Variants in EBF1 observed in about 807,000 individuals in gnomAD.
The protein encoded by EBF1 is EBF transcription factor 1, also known as transcription factor COE1.
In EBF1, 10 loss-of-function variants were observed where a neutral mutation model predicts 68.4. The ratio of observed to expected loss-of-function variants is 0.15; its 90% CI spans 0.09 to 0.25. EBF1 has a LOEUF of 0.25. Ranked by LOEUF, EBF1 falls within the 10% of genes least tolerant of loss-of-function variation. The probability of loss-of-function intolerance (pLI) is 1.00; values close to 1 mark genes in which losing one functional copy is unlikely to be tolerated. For synonymous variants in EBF1, 298 were observed against 299.8 expected (o/e 0.99, Z 0.06); for missense variants, 509 against 794.4 (o/e 0.64, Z 4.32).
intron 11 of EBF1, among the ~76,000 whole-genome samples, chr5:158,724,855 C>T (rs1007862255): frequency 6.6e-6 from 1 of 152,188 alleles, no homozygotes; most frequent in Non-Finnish European, 1.5e-5. Context: ...ATGGTGTGTT[C>T]AAATTGTTCT....
chr5:158,985,734 T>A (rs1462602232), intron 6 of EBF1: 2 of 152,254 alleles, frequency 1.3e-5, no homozygotes, highest in Non-Finnish European at 2.9e-5. Context: ...AATGTGCTAT[T>A]TGCCTACTTC....
chr5:158,969,787 A>C (rs1359631382), intron 6 of EBF1, among the ~76,000 whole-genome samples: 1 of 149,962 alleles, frequency 6.7e-6, no homozygotes, highest in Non-Finnish European at 1.5e-5. Flanking sequence ...AAGAAAGAGA[A>C]AAAGAAGAAA....
At chr5:158,812,180 A>T (rs1284884635) in intron 8 of EBF1, among the ~76,000 whole-genome samples, 2 of 152,184 alleles carry the variant, frequency 1.3e-5, no homozygotes, top group East Asian at 3.9e-4. Flanking sequence ...GTCAATAAAC[A>T]TGTGTTAGTG....
intron 7 of EBF1, among the ~76,000 whole-genome samples, chr5:158,825,861 A>C (rs1379302801): frequency 6.6e-6 from 1 of 152,190 alleles, no homozygotes; most frequent in East Asian, 1.9e-4. Flanking sequence ...TCAATTTGGA[A>C]ATATTCAGGA....
chr5:158,985,398 G>T (rs147405800), intron 6 of EBF1, among the ~76,000 whole-genome samples: 3,134 of 152,280 alleles, frequency 0.021, 49 homozygotes, highest in Non-Finnish European at 0.028. Flanking sequence ...GAAAATGCCA[G>T]TGTTGGTCTC....
rs1487701812 is a variant in EBF1 at position 158,755,941 on chromosome 5, A to G, written c.1036+21472T>C. Among the ~76,000 whole-genome samples, 3 of 152,206 alleles carry G rather than the reference A, an allele frequency of 2.0e-5. No homozygotes were observed. In the South Asian group the frequency reaches 6.2e-4, roughly 32 times the overall value. On this transcript the variant is annotated intron_variant, in intron 10 of 15. Transcript: ENST00000313708. The stretch of plus-strand genomic sequence containing the variant: ...ACATCTGGAAGTTTTCCTATTGAAA[A>G]AAAGAAAGTGTGAAATCAGATACTT...
chr5:158,972,594 C>T (rs540470063), intron 6 of EBF1, among the ~76,000 whole-genome samples: 7 of 152,212 alleles, frequency 4.6e-5, no homozygotes, highest in Admixed American at 1.3e-4. Flanking sequence ...AAACGCTTCC[C>T]TTTAGTTTAA....
chr5:158,887,899 A>G (rs980922856), intron 6 of EBF1, among the ~76,000 whole-genome samples: 3 of 152,220 alleles, frequency 2.0e-5, no homozygotes, highest in Non-Finnish European at 2.9e-5. Context: ...GTTTGCCAAC[A>G]CATTTCCAGG....
At chr5:158,740,846 G>T (rs1766194822) in intron 10 of EBF1, among the ~76,000 whole-genome samples, 1 of 152,098 alleles carries the variant, frequency 6.6e-6, no homozygotes, top group African/African-American at 2.4e-5. Context: ...CACACATTTT[G>T]CTTATACATT....
chr5:158,846,154 C>G (rs959885156), intron 6 of EBF1, among the ~76,000 whole-genome samples: 1 of 152,172 alleles, frequency 6.6e-6, no homozygotes, highest in Admixed American at 6.5e-5. Context: ...ATTCAGGACA[C>G]GGAGACTTGC....
At chr5:158,875,978 TACA>T (rs1271997744) in intron 6 of EBF1, among the ~76,000 whole-genome samples, 1 of 152,194 alleles carries the variant, frequency 6.6e-6, no homozygotes, top group African/African-American at 2.4e-5. Flanking sequence ...TTCACTTCAT[TACA>T]ACAACAAGAA....
intron 8 of EBF1, among the ~76,000 whole-genome samples, chr5:158,814,263 A>T (rs1783261378): frequency 6.6e-6 from 1 of 152,190 alleles, no homozygotes; most frequent in Admixed American, 6.5e-5. Context: ...GGATAGCTTG[A>T]GTGCAGGAGT....
chr5:159,076,791 T>A (rs1778854128), intron 5 of EBF1, among the ~76,000 whole-genome samples: 1 of 152,198 alleles, frequency 6.6e-6, no homozygotes, highest in African/African-American at 2.4e-5. Context: ...TACAGTATGA[T>A]TCTGTTAAAT....
intron 6 of EBF1, among the ~76,000 whole-genome samples, chr5:158,874,375 G>A (rs768946175): frequency 2.6e-5 from 4 of 152,200 alleles, no homozygotes; most frequent in Non-Finnish European, 4.4e-5. Flanking sequence ...GAAAGATCAA[G>A]TTGGCAGAAA....
At chr5:159,038,473 T>C (rs1176224753) in intron 6 of EBF1, among the ~76,000 whole-genome samples, 2 of 152,122 alleles carry the variant, frequency 1.3e-5, no homozygotes, top group African/African-American at 4.8e-5. Flanking sequence ...TTAAAAAAAA[T>C]CAAATGCAGG....
At chr5:158,709,515 C>T (rs571365916) in intron 14 of EBF1, among the ~76,000 whole-genome samples, 5 of 152,172 alleles carry the variant, frequency 3.3e-5, no homozygotes, top group Non-Finnish European at 7.3e-5. Flanking sequence ...TCCCATGAGC[C>T]CACCAGAGTC....
At chr5:158,719,664 C>G (rs1761513997) in intron 11 of EBF1, among the ~76,000 whole-genome samples, 1 of 152,124 alleles carries the variant, frequency 6.6e-6, no homozygotes, top group Non-Finnish European at 1.5e-5. Context: ...GGCAACTCAA[C>G]CCCAGATGAG....
At chr5:158,709,141 T>A (rs1228421354) in intron 14 of EBF1, among the ~76,000 whole-genome samples, 7 of 152,252 alleles carry the variant, frequency 4.6e-5, no homozygotes, top group Non-Finnish European at 1.0e-4. Flanking sequence ...AATATTTTCA[T>A]ACACTCGCTT....
At chr5:158,937,117 T>C (rs1426248909) in intron 6 of EBF1, among the ~76,000 whole-genome samples, 2 of 151,850 alleles carry the variant, frequency 1.3e-5, no homozygotes, top group Admixed American at 1.3e-4. Flanking sequence ...GAAGTACAGG[T>C]GCATGAATAT....
Sources: allele counts gnomAD v4.1 joint callset (sites outside exome capture counted in the v4.1 genomes callset), GRCh38; gene constraint gnomAD v4.1.1; transcripts MANE v1.5; gene names NCBI Gene and HGNC (gene_info 2026-07-23, HGNC 2026-07-21).